Variants in CNTNAP2 observed in about 807,000 individuals in gnomAD.
CNTNAP2 encodes the protein contactin associated protein 2.
CNTNAP2 carries 98 observed loss-of-function variants against 155.2 expected under a neutral mutation model. The ratio of observed to expected loss-of-function variants is 0.63; its 90% CI spans 0.54 to 0.75. The LOEUF is 0.75. CNTNAP2 is among the 30% of genes least tolerant of loss of function. The probability of loss-of-function intolerance (pLI) is 0.00; values close to 1 mark genes in which losing one functional copy is unlikely to be tolerated. For synonymous variants in CNTNAP2, 651 were observed against 631.2 expected, an observed-to-expected ratio of 1.03 and a Z score of -0.47; for missense variants, 1,727 against 1,688.1, an observed-to-expected ratio of 1.02 and a Z score of -0.40.
intron 3 of CNTNAP2, among the ~76,000 whole-genome samples, chr7:147,002,974 G>C (rs1174238484): frequency 7.1e-6 from 1 of 141,226 alleles, no homozygotes; most frequent in South Asian, 2.2e-4. Context: ...AAAAGAAGAA[G>C]CAGCAAACTG....
intron 5 of CNTNAP2, among the ~76,000 whole-genome samples, chr7:147,119,772 G>GA (rs1456163668): frequency 9.2e-5 from 14 of 151,874 alleles, no homozygotes; most frequent in Admixed American, 1.3e-4. Flanking sequence ...AGGAAAGAAA[G>GA]AAAGAAGGAA....
chr7:147,449,449 A>C (rs1172019353), intron 10 of CNTNAP2, among the ~76,000 whole-genome samples: 1 of 152,118 alleles, frequency 6.6e-6, no homozygotes, highest in Non-Finnish European at 1.5e-5. Context: ...TGAGTTGACT[A>C]TAATGGTTAT....
At chr7:148,004,336 G>C (rs141183867) in intron 15 of CNTNAP2, among the ~76,000 whole-genome samples, 3 of 152,072 alleles carry the variant, frequency 2.0e-5, no homozygotes, top group East Asian at 3.9e-4. Flanking sequence ...AAATCATATA[G>C]GTGTAAATTT....
intron 14 of CNTNAP2, among the ~76,000 whole-genome samples, chr7:147,956,834 T>A (rs1408674402): frequency 1.3e-5 from 2 of 152,028 alleles, no homozygotes; most frequent in African/African-American, 4.8e-5. Flanking sequence ...TCCTGAGGTG[T>A]GGAGGGAAAA....
intron 3 of CNTNAP2, among the ~76,000 whole-genome samples, chr7:146,893,120 C>T (rs921340030): frequency 2.6e-5 from 4 of 152,036 alleles, no homozygotes; most frequent in Non-Finnish European, 4.4e-5. Flanking sequence ...ATATCTCTTG[C>T]ATTGTTATCT....
At chr7:148,043,802 C>T (rs931541578) in intron 15 of CNTNAP2, among the ~76,000 whole-genome samples, 1 of 152,198 alleles carries the variant, frequency 6.6e-6, no homozygotes, top group African/African-American at 2.4e-5. Flanking sequence ...TCTTATACAA[C>T]CTTTCTTCAC....
chr7:146,178,855 G>A (rs2116832205), intron 1 of CNTNAP2, among the ~76,000 whole-genome samples: 1 of 152,280 alleles, frequency 6.6e-6, no homozygotes, highest in South Asian at 2.1e-4. Flanking sequence ...TCAAAGGCCT[G>A]AGATAATTTA....
chr7:148,042,394 G>A (rs192915955), intron 15 of CNTNAP2, among the ~76,000 whole-genome samples: 3 of 152,304 alleles, frequency 2.0e-5, no homozygotes, highest in South Asian at 4.1e-4. Flanking sequence ...GTTGTTGCCT[G>A]ATTTCTTTTT....
chr7:147,016,286 GTTC>G (rs1446251405), intron 3 of CNTNAP2, among the ~76,000 whole-genome samples: 1 of 151,882 alleles, frequency 6.6e-6, no homozygotes. Flanking sequence ...AAATATCTTT[GTTC>G]TTCTTCTGAG....
chr7:148,105,098 G>A (rs1370387946), intron 15 of CNTNAP2, among the ~76,000 whole-genome samples: 1 of 152,198 alleles, frequency 6.6e-6, no homozygotes, highest in Non-Finnish European at 1.5e-5. Flanking sequence ...GCCTAGCAGA[G>A]GAGAGGAACA....
intron 9 of CNTNAP2, among the ~76,000 whole-genome samples, chr7:147,392,050 T>C (rs904273473): frequency 6.6e-6 from 1 of 152,164 alleles, no homozygotes; most frequent in Non-Finnish European, 1.5e-5. Flanking sequence ...TTAGCTAGAT[T>C]ATACAATTTC....
At chr7:147,391,177 G>A (rs932417113) in intron 9 of CNTNAP2, among the ~76,000 whole-genome samples, 1 of 152,112 alleles carries the variant, frequency 6.6e-6, no homozygotes, top group South Asian at 2.1e-4. Context: ...AACCAAATTA[G>A]ACTCTCTGGT....
intron 13 of CNTNAP2, among the ~76,000 whole-genome samples, chr7:147,717,053 A>G (rs1025626648): frequency 3.9e-5 from 6 of 152,100 alleles, no homozygotes; most frequent in African/African-American, 4.8e-5. Flanking sequence ...TGACAACAAT[A>G]TCAGTGGAAT....
At chr7:147,167,390 C>T in intron 8 of CNTNAP2, 1 of 1,270,716 alleles carries the variant, frequency 7.9e-7, no homozygotes, top group Non-Finnish European at 1.1e-6. Flanking sequence ...CCAAACGTTA[C>T]TACAACTTTG....
At chr7:146,207,803 A>T (rs1044456308) in intron 1 of CNTNAP2, among the ~76,000 whole-genome samples, 1 of 152,000 alleles carries the variant, frequency 6.6e-6, no homozygotes, top group African/African-American at 2.4e-5. Context: ...TATTTTAATA[A>T]TAGCGATTAG....
chr7:147,410,558 C>A (rs143080139), intron 10 of CNTNAP2, among the ~76,000 whole-genome samples: 2,449 of 152,166 alleles, frequency 0.016, 65 homozygotes, highest in African/African-American at 0.055. Flanking sequence ...AAAACAAAAA[C>A]AACCACAAAG....
At chr7:148,409,110 G>A (rs1799768814) in intron 22 of CNTNAP2, among the ~76,000 whole-genome samples, 1 of 152,202 alleles carries the variant, frequency 6.6e-6, no homozygotes, top group South Asian at 2.1e-4. Context: ...TCTGTCTGTG[G>A]AACTAGAGCA....
chr7:147,633,256 TGG>T (rs1795119607), intron 12 of CNTNAP2, among the ~76,000 whole-genome samples: 1 of 152,136 alleles, frequency 6.6e-6, no homozygotes, highest in South Asian at 2.1e-4. Context: ...GTTGGGCCTG[TGG>T]GTACACAGAA....
intron 15 of CNTNAP2, among the ~76,000 whole-genome samples, chr7:147,999,371 C>T (rs1036057619): frequency 5.3e-5 from 8 of 152,224 alleles, no homozygotes; most frequent in East Asian, 3.9e-4. Context: ...CCACCATGCC[C>T]GGCCAGTAGA....
Sources: allele counts gnomAD v4.1 joint callset (sites outside exome capture counted in the v4.1 genomes callset), GRCh38; gene constraint gnomAD v4.1.1; transcripts MANE v1.5; gene names NCBI Gene and HGNC (gene_info 2026-07-23, HGNC 2026-07-21).